The following THSD4 variants were observed in gnomAD, a reference collection of about 807,000 sequenced individuals.
The protein encoded by THSD4 is thrombospondin type-1 domain-containing protein 4.
THSD4 carries 69 observed loss-of-function variants against 119.0 expected under a neutral mutation model. The observed-to-expected ratio is 0.58, with a 90% confidence interval of 0.48 to 0.71. The LOEUF (loss-of-function observed/expected upper bound fraction) is 0.71, where lower values mean the gene tolerates loss of function less well. Among genes scored for constraint, THSD4 ranks in the 30% least tolerant of loss-of-function variants. THSD4 has a pLI of 0.00. For missense variants in THSD4, 1,393 were observed against 1,391.1 expected, an observed-to-expected ratio of 1.00 and a Z score of -0.02; for synonymous variants, 524 against 540.4, an observed-to-expected ratio of 0.97 and a Z score of 0.42.
At chr15:71,682,068 C>G (rs924107832) in intron 8 of THSD4, among the ~76,000 whole-genome samples, 1 of 152,144 alleles carries the variant, frequency 6.6e-6, no homozygotes, top group Non-Finnish European at 1.5e-5. Context: ...AAATCCGACC[C>G]CCCCTGGAAA....
At chr15:71,771,640 G>C (rs754856058) in intron 17 of THSD4, among the ~76,000 whole-genome samples, 1 of 152,150 alleles carries the variant, frequency 6.6e-6, no homozygotes, top group African/African-American at 2.4e-5. Context: ...TGGAGGGTCT[G>C]ACCATCTCTC....
chr15:71,137,237 C>A (rs140901698), intron 1 of THSD4, among the ~76,000 whole-genome samples: 3 of 152,286 alleles, frequency 2.0e-5, no homozygotes, highest in African/African-American at 7.2e-5. Flanking sequence ...TCTCGGTGCA[C>A]CCTTGCCAGA....
intron 3 of THSD4, among the ~76,000 whole-genome samples, chr15:71,182,570 T>A (rs959863436): frequency 2.6e-5 from 4 of 151,846 alleles, no homozygotes; most frequent in Non-Finnish European, 5.9e-5. Flanking sequence ...AGGTGTTTTT[T>A]AAATAACTTC....
intron 6 of THSD4, among the ~76,000 whole-genome samples, chr15:71,326,907 C>T (rs1375028434): frequency 3.3e-5 from 5 of 150,204 alleles, no homozygotes; most frequent in African/African-American, 1.2e-4. Flanking sequence ...GTGGCTCACG[C>T]CTGTAATCCT....
chr15:71,594,036 G>C (rs949322830), intron 7 of THSD4, among the ~76,000 whole-genome samples: 1 of 152,040 alleles, frequency 6.6e-6, no homozygotes, highest in African/African-American at 2.4e-5. Flanking sequence ...GACTTGAGAG[G>C]GTGGTGAGGT....
chr15:71,148,804 G>A (rs1299328399), intron 2 of THSD4, among the ~76,000 whole-genome samples: 1 of 152,192 alleles, frequency 6.6e-6, no homozygotes, highest in African/African-American at 2.4e-5. Context: ...CAGGCCAAGG[G>A]TCTGACCGCC....
intron 1 of THSD4, among the ~76,000 whole-genome samples, chr15:71,097,435 G>A (rs1053443523): frequency 7.2e-5 from 11 of 151,760 alleles, no homozygotes; most frequent in South Asian, 6.3e-4. Context: ...CAGTGGTGGC[G>A]TATGCCTGTG....
At chr15:71,173,862 A>G (rs556456141) in intron 3 of THSD4, among the ~76,000 whole-genome samples, 13 of 152,262 alleles carry the variant, frequency 8.5e-5, no homozygotes, top group African/African-American at 2.6e-4. Flanking sequence ...ACCCTAGAAT[A>G]TATGATCAAA....
chr15:71,606,828 C>A (rs2050119673), intron 7 of THSD4, among the ~76,000 whole-genome samples: 1 of 152,174 alleles, frequency 6.6e-6, no homozygotes, highest in South Asian at 2.1e-4. Flanking sequence ...GCGTGAGCCA[C>A]CATGCCCAGC....
rs113584888 is a variant in THSD4 at position 71,288,481 on chromosome 15, A to G, written c.1015+31766A>G. Among the ~76,000 whole-genome samples, 755 of 152,298 alleles carry G rather than the reference A, an allele frequency of 5.0e-3. 8 individuals are homozygous for G. Among genetic ancestry groups the G allele is most frequent in the African/African-American group, 0.017 (725 of 41,574 alleles). On this transcript the variant is annotated intron_variant, in intron 6 of 17. Transcript: ENST00000261862. ...GCTCAGAGGTGTCTAATGAGCTTCTAGGAACAAGTGAGGGTGGGGGCTGAA... is the reference window on the plus strand; with the variant it reads ...GCTCAGAGGTGTCTAATGAGCTTCTGGGAACAAGTGAGGGTGGGGGCTGAA...
intron 7 of THSD4, among the ~76,000 whole-genome samples, chr15:71,623,875 A>G (rs1369614814): frequency 1.3e-5 from 2 of 149,556 alleles, no homozygotes; most frequent in Non-Finnish European, 3.0e-5. Context: ...GTGAGCCGAG[A>G]TGGCGCCATT....
At chr15:71,763,693 C>T (rs1385659935) in intron 15 of THSD4, among the ~76,000 whole-genome samples, 1 of 152,068 alleles carries the variant, frequency 6.6e-6, no homozygotes, top group Non-Finnish European at 1.5e-5. Flanking sequence ...GATTTGCTCA[C>T]CTTGGCCTCC....
chr15:71,344,476 G>A (rs1026202322), intron 6 of THSD4, among the ~76,000 whole-genome samples: 1 of 152,086 alleles, frequency 6.6e-6, no homozygotes, highest in Non-Finnish European at 1.5e-5. Flanking sequence ...CCACCTTATG[G>A]AGCATTGACG....
chr15:71,600,753 T>C (rs528274345), intron 7 of THSD4, among the ~76,000 whole-genome samples: 27 of 151,870 alleles, frequency 1.8e-4, no homozygotes, highest in African/African-American at 5.8e-4. Context: ...TCTTTCTTTT[T>C]TTTTTTGAGA....
chr15:71,384,076 T>C (rs1318802372), intron 6 of THSD4, among the ~76,000 whole-genome samples: 1 of 152,180 alleles, frequency 6.6e-6, no homozygotes, highest in African/African-American at 2.4e-5. Flanking sequence ...CATTAACAAA[T>C]AGGGCAAAGA....
chr15:71,309,651 G>A (rs1025623365), intron 6 of THSD4, among the ~76,000 whole-genome samples: 5 of 152,164 alleles, frequency 3.3e-5, no homozygotes, highest in Non-Finnish European at 7.3e-5. Flanking sequence ...TTTTGAGTTA[G>A]TATTTGTAAA....
At chr15:71,625,832 T>A (rs2050498459) in intron 7 of THSD4, among the ~76,000 whole-genome samples, 1 of 152,092 alleles carries the variant, frequency 6.6e-6, no homozygotes, top group Non-Finnish European at 1.5e-5. Context: ...AGGTGATAGA[T>A]TGCTAAGGTA....
intron 6 of THSD4, among the ~76,000 whole-genome samples, chr15:71,281,168 G>C (rs969936562): frequency 6.6e-6 from 1 of 152,194 alleles, no homozygotes; most frequent in African/African-American, 2.4e-5. Context: ...CACAGAGTTG[G>C]GCTGAGGTAT....
chr15:71,724,287 A>ATATATATATATATATTTTT, intron 8 of THSD4, among the ~76,000 whole-genome samples: 2 of 37,290 alleles, frequency 5.4e-5, no homozygotes, highest in Non-Finnish European at 6.1e-5. Context: ...ATATATATAT[A>ATATATATATATATATTTTT]TTTTTTTTTT....
Sources: gnomAD v4.1 joint callset for allele counts (sites outside exome capture counted in the v4.1 genomes callset) on GRCh38, gnomAD v4.1.1 for gene constraint, MANE v1.5 for transcripts, NCBI Gene and HGNC (gene_info 2026-07-23, HGNC 2026-07-21) for gene names.